The following ANXA10 variants were observed in gnomAD, a reference collection of about 807,000 sequenced individuals.
ANXA10 encodes annexin A10.
A neutral mutation model predicts 53.5 loss-of-function variants in ANXA10; 49 were observed. That is an observed-to-expected ratio of 0.92 (90% CI 0.73 to 1.16). The LOEUF (loss-of-function observed/expected upper bound fraction) is 1.16. Ranked by LOEUF, ANXA10 falls within the 50% of genes most tolerant of loss-of-function variation. The pLI is 0.00. For missense variants in ANXA10, 393 were observed against 394.4 expected, an observed-to-expected ratio of 1.00 and a Z score of 0.03; for synonymous variants, 131 against 128.9, an observed-to-expected ratio of 1.02 and a Z score of -0.11.
At chr4:168,150,750 A>G (rs1311148722) in intron 3 of ANXA10, among the ~76,000 whole-genome samples, 2 of 152,196 alleles carry the variant, frequency 1.3e-5, no homozygotes, top group Admixed American at 6.5e-5. Flanking sequence ...GCCCTCTGAC[A>G]CTGAAAGGTG....
chr4:168,156,216 TG>T (rs1731668353), intron 3 of ANXA10, among the ~76,000 whole-genome samples: 2 of 18,354 alleles, frequency 1.1e-4, no homozygotes, highest in African/African-American at 2.6e-4. Flanking sequence ...TTATATTATA[TG>T]TAATATGTAT....
chr4:168,156,171 T>TTA (rs1553957739), intron 3 of ANXA10, among the ~76,000 whole-genome samples: 1 of 31,236 alleles, frequency 3.2e-5, no homozygotes, highest in Non-Finnish European at 5.1e-5. Flanking sequence ...ATTATATATA[T>TTA]TATATTATAT....
chr4:168,113,773 ACT>A (rs1414385207), intron 1 of ANXA10, among the ~76,000 whole-genome samples: 1 of 152,158 alleles, frequency 6.6e-6, no homozygotes, highest in Non-Finnish European at 1.5e-5. Context: ...ATAATTGAAA[ACT>A]CAGTGTGTTG....
intron 5 of ANXA10, 45 bp from the exon 6 acceptor site, chr4:168,165,201 CA>C (rs1457524921): frequency 2.5e-5 from 32 of 1,275,040 alleles, no homozygotes; most frequent in Middle Eastern, 5.1e-4. Context: ...CACACTGATA[CA>C]TAGTTCTATA....
intron 3 of ANXA10, among the ~76,000 whole-genome samples, chr4:168,152,575 T>C (rs772672181): frequency 3.0e-4 from 46 of 152,032 alleles, no homozygotes; most frequent in Non-Finnish European, 5.3e-4. Context: ...GAAAACATTT[T>C]GAGCAGAGGA....
At chr4:168,110,561 T>G (rs1043045038) in intron 1 of ANXA10, among the ~76,000 whole-genome samples, 1 of 152,064 alleles carries the variant, frequency 6.6e-6, no homozygotes, top group Non-Finnish European at 1.5e-5. Context: ...AAACTGGCTG[T>G]TATTTCTAAC....
intron 9 of ANXA10, among the ~76,000 whole-genome samples, chr4:168,180,027 A>C (rs1249538355): frequency 6.6e-6 from 1 of 152,180 alleles, no homozygotes; most frequent in African/African-American, 2.4e-5. Context: ...AATCACTTAG[A>C]TACTAGTTGA....
At chr4:168,175,059 G>A (rs550522352) in intron 6 of ANXA10, among the ~76,000 whole-genome samples, 10 of 152,220 alleles carry the variant, frequency 6.6e-5, no homozygotes, top group African/African-American at 2.4e-4. Context: ...TGTAAATACA[G>A]ACAAAAAGAT....
At chr4:168,156,087 A>ATTATATATATTATAT (rs1491567954) in intron 3 of ANXA10, among the ~76,000 whole-genome samples, 1 of 27,164 alleles carries the variant, frequency 3.7e-5, no homozygotes, top group East Asian at 1.1e-3. Flanking sequence ...TATTATATAT[A>ATTATATATATTATAT]ATATTTATTA....
intron 1 of ANXA10, among the ~76,000 whole-genome samples, chr4:168,122,540 A>G (rs977962782): frequency 6.6e-6 from 1 of 152,188 alleles, no homozygotes; most frequent in Non-Finnish European, 1.5e-5. Context: ...CCTGAGACTG[A>G]GTAATTTATA....
At chr4:168,109,923 A>G (rs893432690) in intron 1 of ANXA10, among the ~76,000 whole-genome samples, 4 of 152,184 alleles carry the variant, frequency 2.6e-5, no homozygotes, top group African/African-American at 7.2e-5. Flanking sequence ...AATAAACTTC[A>G]TGTTAGGCCG....
intron 3 of ANXA10, among the ~76,000 whole-genome samples, chr4:168,155,336 TTA>T (rs1731589405): frequency 8.1e-6 from 1 of 123,644 alleles, no homozygotes; most frequent in Non-Finnish European, 1.6e-5. Flanking sequence ...ATGTATTACA[TTA>T]TATATAATAT....
At chr4:168,142,508 C>G (rs1051106932) in intron 3 of ANXA10, among the ~76,000 whole-genome samples, 1 of 152,184 alleles carries the variant, frequency 6.6e-6, no homozygotes, top group Non-Finnish European at 1.5e-5. Context: ...CACAGCCCCC[C>G]ACCAGATCGA....
At chr4:168,157,847 T>C (rs780827353) in intron 3 of ANXA10, among the ~76,000 whole-genome samples, 23 of 152,216 alleles carry the variant, frequency 1.5e-4, no homozygotes, top group African/African-American at 3.4e-4. Flanking sequence ...ATTTGTTTAT[T>C]CATTCACCTG....
At chr4:168,145,550 T>A (rs1188209209) in intron 3 of ANXA10, among the ~76,000 whole-genome samples, 1 of 152,238 alleles carries the variant, frequency 6.6e-6, no homozygotes, top group African/African-American at 2.4e-5. Context: ...TCTCTTTCAC[T>A]GGAATTGCCT....
intron 3 of ANXA10, among the ~76,000 whole-genome samples, chr4:168,156,316 A>AT (rs1731676792): frequency 2.2e-5 from 2 of 89,416 alleles, no homozygotes; most frequent in Non-Finnish European, 4.4e-5. Context: ...AATAGTATAT[A>AT]TAATATATAA....
intron 1 of ANXA10, among the ~76,000 whole-genome samples, chr4:168,093,656 G>A (rs1357234647): frequency 6.6e-6 from 1 of 152,084 alleles, no homozygotes; most frequent in African/African-American, 2.4e-5. Context: ...CAGCCTGGGC[G>A]ACAGAGCGAG....
At chr4:168,176,344 C>T (rs1462634486) in intron 6 of ANXA10, among the ~76,000 whole-genome samples, 1 of 152,052 alleles carries the variant, frequency 6.6e-6, no homozygotes, top group African/African-American at 2.4e-5. Flanking sequence ...CCAAACTGAC[C>T]AGTTTGGTCA....
chr4:168,172,530 T>C (rs2149479330), intron 6 of ANXA10, among the ~76,000 whole-genome samples: 1 of 152,332 alleles, frequency 6.6e-6, no homozygotes, highest in Admixed American at 6.5e-5. Flanking sequence ...TCTTTACTTT[T>C]CCAATTAACA....
Sources: allele counts gnomAD v4.1 joint callset (sites outside exome capture counted in the v4.1 genomes callset), GRCh38; gene constraint gnomAD v4.1.1; transcripts MANE v1.5; gene names NCBI Gene and HGNC (gene_info 2026-07-23, HGNC 2026-07-21).